Variants in SMG6 observed in about 807,000 individuals in gnomAD.
SMG6 encodes the protein telomerase-binding protein EST1A.
Under a neutral mutation model 142.2 loss-of-function variants are expected in SMG6, and 66 were observed. The ratio of observed to expected loss-of-function variants is 0.46; its 90% confidence interval spans 0.38 to 0.57. The LOEUF (loss-of-function observed/expected upper bound fraction) is 0.57. SMG6 is among the 20% of genes least tolerant of loss of function. The pLI is 0.00. For missense variants in SMG6, 1,793 were observed against 1,832.0 expected, an observed-to-expected ratio of 0.98 and a Z score of 0.39; for synonymous variants, 779 against 702.4, an observed-to-expected ratio of 1.11 and a Z score of -1.72.
intron 13 of SMG6, chr17:2,101,083 G>C (rs4061660): frequency 1.3e-5 from 2 of 151,860 alleles, no homozygotes; most frequent in Non-Finnish European, 2.9e-5. Context: ...TTTTTCAAAG[G>C]TGCAAACACT....
chr17:2,276,649 G>A (rs762733956), intron 8 of SMG6, among the ~76,000 whole-genome samples: 1 of 152,190 alleles, frequency 6.6e-6, no homozygotes, highest in Non-Finnish European at 1.5e-5. Flanking sequence ...GTCTCCCAAA[G>A]TGCTGGGATT....
At chr17:2,132,997 C>CT (rs2070173644) in intron 13 of SMG6, among the ~76,000 whole-genome samples, 3 of 152,158 alleles carry the variant, frequency 2.0e-5, no homozygotes, top group Non-Finnish European at 2.9e-5. Context: ...GTAATCCCAG[C>CT]ACTTTGGGAG....
intron 12 of SMG6, 57 bp downstream of exon 12, chr17:2,186,606 T>C (rs1299490759): frequency 1.3e-6 from 2 of 1,590,082 alleles, no homozygotes; most frequent in African/African-American, 2.7e-5. Flanking sequence ...AGGGGAGCTG[T>C]AGGAACACGG....
intron 13 of SMG6, among the ~76,000 whole-genome samples, chr17:2,103,732 G>C (rs530989247): frequency 8.5e-5 from 13 of 152,174 alleles, no homozygotes; most frequent in Non-Finnish European, 1.3e-4. Context: ...GCTCCCATTG[G>C]GCCACTTGGA....
intron 10 of SMG6, among the ~76,000 whole-genome samples, chr17:2,209,273 T>C (rs12603057): frequency 0.38 from 57,725 of 152,038 alleles, 11,281 homozygotes; most frequent in African/African-American, 0.44. Flanking sequence ...AGTGCAATGG[T>C]GCCATCTCAG....
At position 2,085,444 on chromosome 17, in the gene SMG6, G is replaced by A. The variant is rs970789577; in HGVS notation, c.3534+281C>T. Among the ~76,000 whole-genome samples the A allele has an allele frequency of 2.6e-5, 4 of 152,068 alleles. No individual in the cohort carries two copies. In the East Asian group the frequency reaches 5.8e-4, roughly 22 times the overall value. ...CCCCCCTCTCCCTTTCCTAAGCCTC[G>A]AGAGCTGCACATTATTCAACTCCTT... On this transcript the variant is annotated intron_variant, in intron 14 of 18. Coordinates refer to ENST00000263073, the MANE Select transcript of SMG6 (RefSeq NM_017575.5). The surrounding 1 kb of genome is among the most constrained non-coding windows in gnomAD (Gnocchi z 4.1).
intron 10 of SMG6, among the ~76,000 whole-genome samples, chr17:2,234,332 G>T (rs980729243): frequency 2.6e-5 from 4 of 151,194 alleles, no homozygotes; most frequent in African/African-American, 9.7e-5. Flanking sequence ...TGCAATCTCG[G>T]CTCACTGCAA....
chr17:2,100,928 A>T (rs532126014), intron 13 of SMG6, among the ~76,000 whole-genome samples: 1 of 152,250 alleles, frequency 6.6e-6, no homozygotes, highest in South Asian at 2.1e-4. Context: ...CTGGGATTAC[A>T]GGTGTGGGCC....
intron 10 of SMG6, among the ~76,000 whole-genome samples, chr17:2,228,312 T>C (rs1362355845): frequency 3.3e-5 from 5 of 152,056 alleles, no homozygotes; most frequent in African/African-American, 4.8e-5. Flanking sequence ...CACTGCAACC[T>C]CCACTCCCCA....
At chr17:2,248,347 A>G (rs1231100240) in intron 8 of SMG6, among the ~76,000 whole-genome samples, 1 of 152,182 alleles carries the variant, frequency 6.6e-6, no homozygotes, top group Non-Finnish European at 1.5e-5. Context: ...GCAACTAAGA[A>G]GCCGTTCAAG....
At chr17:2,110,008 G>A (rs148536938) in intron 13 of SMG6, among the ~76,000 whole-genome samples, 274 of 151,192 alleles carry the variant, frequency 1.8e-3, no homozygotes, top group African/African-American at 6.1e-3. Flanking sequence ...GCTTGAACCC[G>A]GAGGCAGAGG....
chr17:2,250,392 C>CT (rs370155077), intron 8 of SMG6, among the ~76,000 whole-genome samples: 38,554 of 146,530 alleles, frequency 0.26, 6,243 homozygotes, highest in Admixed American at 0.36. Flanking sequence ...TTTATATACA[C>CT]TTTTTTTTTT....
intron 13 of SMG6, among the ~76,000 whole-genome samples, chr17:2,108,598 TC>T (rs1370560204): frequency 6.6e-6 from 1 of 152,090 alleles, no homozygotes; most frequent in Non-Finnish European, 1.5e-5. Flanking sequence ...GTCACTGCAC[TC>T]CAGCCTGGGC....
At position 2,271,292 on chromosome 17, in the gene SMG6, T is replaced by C. The variant is rs557848678; in HGVS notation, c.2661+11355A>G. Among the ~76,000 whole-genome samples the C allele has an allele frequency of 9.2e-5, 14 of 151,502 alleles. 1 individual carries two copies. The South Asian group carries it at 1.9e-3, about 21-fold the overall frequency. On this transcript the variant is annotated intron_variant, in intron 8 of 18. Coordinates refer to ENST00000263073, the MANE Select transcript of SMG6 (RefSeq NM_017575.5). ...TTTTAGTAGAGACGGGGTTTCGCCA[T>C]GTTGGCCAGGCTGGTCTTGGACTCC... is the stretch of plus-strand genomic sequence containing the variant.
At chr17:2,160,838 TAAATA>T (rs1215275621) in intron 13 of SMG6, among the ~76,000 whole-genome samples, 1 of 151,714 alleles carries the variant, frequency 6.6e-6, no homozygotes, top group Admixed American at 6.6e-5. Context: ...CTCAAAAAAA[TAAATA>T]AAATAAAAGT....
rs543918251 is a variant in SMG6, at chr17:2,103,569, T to C, written c.3358-17668A>G. On this transcript the variant is annotated intron_variant, in intron 13 of 18. Coordinates refer to ENST00000263073, the MANE Select transcript of SMG6 (RefSeq NM_017575.5). ...TTTCTGTGAAGCTTGGAAAGACTTATACTGATGTTTTAATCACCTGTTTAG... is the reference window on the plus strand; with the variant it reads ...TTTCTGTGAAGCTTGGAAAGACTTACACTGATGTTTTAATCACCTGTTTAG... Among the ~76,000 whole-genome samples the C allele has an allele frequency of 7.9e-4, 121 of 152,334 alleles. 3 individuals are homozygous for C. The South Asian group carries it at 0.024, about 31-fold the overall frequency.
chr17:2,236,935 A>G (rs571997927), intron 9 of SMG6: 73 of 756,446 alleles, frequency 9.7e-5, no homozygotes, highest in Admixed American at 1.1e-4. Context: ...CCTGGCAATA[A>G]CTGTGTTCAA....
At chr17:2,231,365 C>A (rs577235633) in intron 10 of SMG6, among the ~76,000 whole-genome samples, 1 of 152,242 alleles carries the variant, frequency 6.6e-6, no homozygotes, top group Admixed American at 6.5e-5. Context: ...TGTGACACTC[C>A]CTCTACCTTC....
intron 10 of SMG6, among the ~76,000 whole-genome samples, chr17:2,214,750 T>C (rs1348220575): frequency 6.6e-6 from 1 of 152,222 alleles, no homozygotes. Flanking sequence ...TAAATGTTAT[T>C]TCTCCTCTCA....
Sources: allele counts gnomAD v4.1 joint callset (sites outside exome capture counted in the v4.1 genomes callset), GRCh38; gene constraint gnomAD v4.1.1; non-coding constraint Gnocchi (gnomAD v3.1); transcripts MANE v1.5; gene names NCBI Gene and HGNC (gene_info 2026-07-23, HGNC 2026-07-21).